The following RAB30 variants were observed in gnomAD, a reference collection of about 807,000 sequenced individuals.
The protein encoded by RAB30 is ras-related protein Rab-30.
A neutral mutation model predicts 25.1 loss-of-function variants in RAB30; 9 were observed. The observed-to-expected ratio is 0.36, with a 90% CI of 0.22 to 0.63. The LOEUF is 0.63. Ranked by LOEUF, RAB30 falls within the 20% of genes least tolerant of loss-of-function variation. The probability of loss-of-function intolerance (pLI) is 0.69; values close to 1 mark genes in which losing one functional copy is unlikely to be tolerated. For missense variants in RAB30, 140 were observed against 243.5 expected (o/e 0.58, Z 2.83); for synonymous variants, 77 against 86.4 (o/e 0.89, Z 0.60).
At chr11:83,039,337 T>A (rs1002472437) in intron 1 of RAB30, among the ~76,000 whole-genome samples, 4 of 152,196 alleles carry the variant, frequency 2.6e-5, no homozygotes, top group Non-Finnish European at 5.9e-5. Flanking sequence ...AAACTCCAAA[T>A]AAACTGCCAA....
At chr11:82,985,047 G>A (rs1178643424) in intron 4 of RAB30, among the ~76,000 whole-genome samples, 4 of 152,068 alleles carry the variant, frequency 2.6e-5, no homozygotes, top group African/African-American at 4.8e-5. Flanking sequence ...GTGCAATCTC[G>A]GCTCACTGTA....
At chr11:83,044,559 T>G (rs952859691) in intron 1 of RAB30, among the ~76,000 whole-genome samples, 2 of 152,198 alleles carry the variant, frequency 1.3e-5, no homozygotes, top group Non-Finnish European at 2.9e-5. Flanking sequence ...TCAAAGATCT[T>G]TGAACTTCGA....
chr11:82,998,999 C>G (rs1206410094), intron 1 of RAB30, among the ~76,000 whole-genome samples: 1 of 152,150 alleles, frequency 6.6e-6, no homozygotes, highest in Non-Finnish European at 1.5e-5. Context: ...AAGATGATGT[C>G]TGTGTAGATT....
At chr11:83,030,189 A>C (rs2121513649) in intron 1 of RAB30, among the ~76,000 whole-genome samples, 1 of 152,288 alleles carries the variant, frequency 6.6e-6, no homozygotes, top group Non-Finnish European at 1.5e-5. Flanking sequence ...AAGCCATTTA[A>C]AAAAATTTTT....
intron 1 of RAB30, among the ~76,000 whole-genome samples, chr11:83,003,121 A>T (rs148329556): frequency 2.9e-3 from 435 of 152,346 alleles, no homozygotes; most frequent in African/African-American, 9.7e-3. Context: ...GCGATGAAGT[A>T]AGAGGGCCTG....
At chr11:83,047,222 C>T (rs908996736) in intron 1 of RAB30, among the ~76,000 whole-genome samples, 8 of 152,094 alleles carry the variant, frequency 5.3e-5, no homozygotes, top group Non-Finnish European at 1.2e-4. Flanking sequence ...CTCTTATTGG[C>T]CTTTTGGATG....
chr11:83,055,021 G>A (rs986384873), intron 1 of RAB30, among the ~76,000 whole-genome samples: 25 of 152,142 alleles, frequency 1.6e-4, no homozygotes, highest in African/African-American at 4.8e-4. Flanking sequence ...AAGAAGAAGC[G>A]TGTGGCTTAG....
Position 83,001,226 on chromosome 11 carries a change from G to T in RAB30, c.-8-3902C>A, listed in dbSNP as rs1279744367. Reference sequence around the variant, plus strand: ...TTGCTTTCTTTTGTTTTTGAGACAGGATCTTGCTCTGTTGCCCACACTAGA... The same window carrying T: ...TTGCTTTCTTTTGTTTTTGAGACAGTATCTTGCTCTGTTGCCCACACTAGA... On this transcript the variant is annotated intron_variant, in intron 1 of 4. Coordinates refer to ENST00000527633, the MANE Select transcript of RAB30 (RefSeq NM_001286060.2). Among the ~76,000 whole-genome samples, 7 of 152,110 alleles carry T rather than the reference G, an allele frequency of 4.6e-5. No individual in the cohort carries two copies. The South Asian group carries it at 8.3e-4, about 18-fold the overall frequency.
chr11:83,017,159 C>T (rs1251631924), intron 1 of RAB30, among the ~76,000 whole-genome samples: 1 of 151,956 alleles, frequency 6.6e-6, no homozygotes, highest in Admixed American at 6.6e-5. Flanking sequence ...AGTAACATGG[C>T]AAAACTAAGT....
intron 1 of RAB30, among the ~76,000 whole-genome samples, chr11:83,023,898 C>T (rs1857645808): frequency 6.6e-6 from 1 of 152,194 alleles, no homozygotes. Context: ...GGATTCACCA[C>T]CTGCCATGCC....
chr11:82,982,115 T>C lies in RAB30; in HGVS notation c.*50A>G. 2 of 1,608,960 alleles carry C rather than the reference T, an allele frequency of 1.2e-6. No individual in the cohort carries two copies. Among genetic ancestry groups the C allele is most frequent in the African/African-American group, 1.3e-5 (1 of 74,932 alleles). The stretch of plus-strand genomic sequence containing the variant: ...ATCGCCAGATCTCCCCAGCATCTCA[T>C]GGCCCATCAGGGCAGTTGCTGATTC... On this transcript the variant is annotated 3_prime_UTR_variant, in exon 5 of 5. Transcript: ENST00000527633.
chr11:83,071,248 G>C (rs974343316), intron 1 of RAB30: 5 of 152,150 alleles, frequency 3.3e-5, no homozygotes, highest in Non-Finnish European at 7.3e-5. Flanking sequence ...TCGTCCAAGC[G>C]ACATTCAAAT....
intron 3 of RAB30, among the ~76,000 whole-genome samples, chr11:82,993,124 A>G (rs3829231): frequency 0.035 from 5,320 of 152,250 alleles, 167 homozygotes; most frequent in East Asian, 0.098. Flanking sequence ...TCCTCCTTCC[A>G]GGTGATTTAG....
Position 83,017,139 on chromosome 11 carries a change from G to C in RAB30, c.-8-19815C>G, listed in dbSNP as rs186484343. The stretch of plus-strand genomic sequence containing the variant: ...AGATTACTTCAGCCTAGGAGTTCGA[G>C]AACAGCCTGAGTAACATGGCAAAAC... On this transcript the variant is annotated intron_variant, in intron 1 of 4. Coordinates refer to ENST00000527633, the MANE Select transcript of RAB30 (RefSeq NM_001286060.2). Among the ~76,000 whole-genome samples the C allele has an allele frequency of 3.3e-3, 495 of 152,266 alleles. 3 individuals are homozygous for C. Among genetic ancestry groups the C allele is most frequent in the African/African-American group, 0.012 (480 of 41,538 alleles).
At chr11:83,063,340 G>C (rs377644302) in intron 1 of RAB30, among the ~76,000 whole-genome samples, 5 of 152,338 alleles carry the variant, frequency 3.3e-5, no homozygotes, top group East Asian at 3.9e-4. Context: ...CTGAGATGTA[G>C]AGGAAGTGAG....
At chr11:82,995,857 T>G (rs1590840927) in intron 2 of RAB30, among the ~76,000 whole-genome samples, 1 of 152,222 alleles carries the variant, frequency 6.6e-6, no homozygotes, top group East Asian at 1.9e-4. Context: ...CCCCTCTAGA[T>G]CTGACCTTTC....
Position 82,978,341 on chromosome 11 carries a change from G to A in RAB30, c.*3824C>T, listed in dbSNP as rs1226097035. On this transcript the variant is annotated 3_prime_UTR_variant, in exon 5 of 5. Transcript: ENST00000527633. ...TTCTACAAGATTAAGAAATAAAAAA[G>A]ACATTAGATTTTTGCCCTAAATGAC... 6.6e-6 allele frequency: 1 copy of A among 152,046 alleles called. No homozygotes were observed. Among genetic ancestry groups the A allele is most frequent in the Admixed American group, 6.6e-5 (1 of 15,260 alleles). 9.4% of individuals were successfully genotyped at this position (152,046 alleles called of 1,614,324 possible).
intron 1 of RAB30, among the ~76,000 whole-genome samples, chr11:83,043,455 A>G (rs1314116456): frequency 6.6e-6 from 1 of 152,308 alleles, no homozygotes. Flanking sequence ...AAGTTTTGAC[A>G]TGATTTGTTT....
intron 1 of RAB30, among the ~76,000 whole-genome samples, chr11:83,037,257 A>G (rs1051695664): frequency 1.3e-5 from 2 of 150,340 alleles, no homozygotes; most frequent in African/African-American, 2.4e-5. Flanking sequence ...AGACAAACGA[A>G]TTTTTTTTTT....
Sources: gnomAD v4.1 joint callset for allele counts (sites outside exome capture counted in the v4.1 genomes callset) on GRCh38, gnomAD v4.1.1 for gene constraint, MANE v1.5 for transcripts, NCBI Gene and HGNC (gene_info 2026-07-23, HGNC 2026-07-21) for gene names.